The following MRTFB variants were observed in gnomAD, a reference collection of about 807,000 sequenced individuals.
The protein encoded by MRTFB is myocardin related transcription factor B.
In MRTFB, 29 loss-of-function variants were observed where a neutral mutation model predicts 104.2. The observed-to-expected ratio is 0.28, with a 90% CI of 0.21 to 0.38. The LOEUF (loss-of-function observed/expected upper bound fraction) is 0.38. MRTFB is among the 10% of genes least tolerant of loss of function. MRTFB has a pLI of 1.00. For missense variants in MRTFB, 1,270 were observed against 1,341.6 expected (o/e 0.95, Z 0.83); for synonymous variants, 535 against 519.5 (o/e 1.03, Z -0.41).
Position 14,223,318 on chromosome 16 carries a change from C to CA in MRTFB, c.693+4326dup, listed in dbSNP as rs372266452. On this transcript the variant is annotated intron_variant, in intron 8 of 16. Coordinates refer to ENST00000571589, the MANE Select transcript of MRTFB (RefSeq NM_001308142.2). ...GAGCGAGACCCTACACACACCCCCACAAAAAAGAAAAAGAAAAATATGACC... is the reference window on the plus strand; with the variant it reads ...GAGCGAGACCCTACACACACCCCCACAAAAAAAGAAAAAGAAAAATATGACC... 4.0e-5 allele frequency among the ~76,000 whole-genome samples: 6 copies of CA among 151,766 alleles called. 1 individual carries two copies. Among genetic ancestry groups the CA allele is most frequent in the East Asian group, 1.9e-4 (1 of 5,160 alleles).
the MRTFB span, among the ~76,000 whole-genome samples, chr16:14,054,459 C>T: frequency 6.6e-6 from 1 of 152,096 alleles, no homozygotes; most frequent in Admixed American, 6.5e-5. Context: ...TCAAGTGATC[C>T]ACCGTCCTCA....
chr16:14,074,143 T>C (rs906744161), intron 1 of MRTFB, among the ~76,000 whole-genome samples: 2 of 152,170 alleles, frequency 1.3e-5, no homozygotes, highest in African/African-American at 4.8e-5. Flanking sequence ...TGAAAGGTGC[T>C]ATGGAAACAG....
intron 16 of MRTFB, among the ~76,000 whole-genome samples, chr16:14,259,995 A>G (rs2151478528): frequency 6.6e-6 from 1 of 152,348 alleles, no homozygotes; most frequent in East Asian, 1.9e-4. Context: ...TTCCTAGTGT[A>G]TCTGCATATA....
chr16:14,016,464 A>G, the MRTFB span, among the ~76,000 whole-genome samples: 3 of 151,954 alleles, frequency 2.0e-5, no homozygotes, highest in African/African-American at 7.3e-5. Flanking sequence ...TGGTCCTTTC[A>G]TACCTCCCTT....
At chr16:14,037,177 C>T in the MRTFB span, among the ~76,000 whole-genome samples, 1 of 152,146 alleles carries the variant, frequency 6.6e-6, no homozygotes, top group Non-Finnish European at 1.5e-5. Context: ...GATGCATGAC[C>T]ATGTCACTGT....
chr16:14,216,065 C>T (rs1597272920), intron 6 of MRTFB, among the ~76,000 whole-genome samples: 1 of 152,210 alleles, frequency 6.6e-6, no homozygotes, highest in Non-Finnish European at 1.5e-5. Flanking sequence ...TTCGCAATAG[C>T]GGTCACAACA....
chr16:14,164,243 CTA>C (rs1187018832), intron 3 of MRTFB, among the ~76,000 whole-genome samples: 1 of 152,194 alleles, frequency 6.6e-6, no homozygotes, highest in African/African-American at 2.4e-5. Context: ...AGCCGCAGAA[CTA>C]TCATTCCGTT....
chr16:14,139,787 A>T (rs2037902610), intron 2 of MRTFB, among the ~76,000 whole-genome samples: 1 of 152,222 alleles, frequency 6.6e-6, no homozygotes, highest in African/African-American at 2.4e-5. Context: ...AATGCTACTA[A>T]ATAAGCAGAC....
At chr16:14,178,317 A>AG in intron 3 of MRTFB, among the ~76,000 whole-genome samples, 1 of 152,154 alleles carries the variant, frequency 6.6e-6, no homozygotes, top group East Asian at 1.9e-4. Flanking sequence ...CTATGAGGAT[A>AG]GTAGGGTAGT....
At chr16:14,094,731 A>C (rs957654771) in intron 2 of MRTFB, among the ~76,000 whole-genome samples, 8 of 152,216 alleles carry the variant, frequency 5.3e-5, no homozygotes, top group Non-Finnish European at 1.0e-4. Flanking sequence ...AAACTGCAGT[A>C]TATAATACAG....
chr16:14,041,879 T>C, the MRTFB span, among the ~76,000 whole-genome samples: 4 of 152,048 alleles, frequency 2.6e-5, no homozygotes, highest in African/African-American at 4.8e-5. Context: ...AGAGCCAAGA[T>C]TGCGCCATTG....
At chr16:14,188,917 T>C (rs1285338834) in intron 3 of MRTFB, among the ~76,000 whole-genome samples, 1 of 152,236 alleles carries the variant, frequency 6.6e-6, no homozygotes, top group Non-Finnish European at 1.5e-5. Flanking sequence ...GTTAAATTCG[T>C]TGATATAAAG....
intron 14 of MRTFB, 68 bp from the exon 15 acceptor site, chr16:14,252,297 G>C (rs1332693660): frequency 6.4e-7 from 1 of 1,565,418 alleles, no homozygotes; most frequent in Admixed American, 1.8e-5. Context: ...CAGCAGAGCC[G>C]AGTCTAGCCA....
the MRTFB span, among the ~76,000 whole-genome samples, chr16:14,035,013 C>T: frequency 3.9e-5 from 6 of 152,190 alleles, no homozygotes; most frequent in African/African-American, 1.4e-4. Flanking sequence ...TCTTCCTCCA[C>T]CCCATGGAGA....
chr16:14,265,507 A>G lies in MRTFB; in HGVS notation c.*4063A>G, dbSNP rs1056358881. Reference sequence around the variant, plus strand: ...CAAAACTGGAAAACAACTAAGATGTAGTAATTTTTTTTTCCTGGTTCAAAC... The same window carrying G: ...CAAAACTGGAAAACAACTAAGATGTGGTAATTTTTTTTTCCTGGTTCAAAC... On this transcript the variant is annotated 3_prime_UTR_variant, in exon 17 of 17. Coordinates refer to ENST00000571589, the MANE Select transcript of MRTFB (RefSeq NM_001308142.2). The G allele has an allele frequency of 6.6e-6, 1 of 152,236 alleles. No homozygotes were observed. The highest frequency in any genetic ancestry group is 6.5e-5 in the Admixed American group (1 of 15,280). The allele number at this position is 152,236 out of a possible 1,614,324, so 9.4% of individuals were successfully genotyped here. A position where few individuals can be genotyped will look rare whatever the true frequency, so the allele number is the denominator to read the frequency against.
At position 14,245,074 on chromosome 16, in the gene MRTFB, TC is replaced by T. The variant is rs541225555; in HGVS notation, c.1080-451del. Among the ~76,000 whole-genome samples, 44 of 152,310 alleles carry T rather than the reference TC, an allele frequency of 2.9e-4. 1 individual carries two copies. The East Asian group carries it at 6.4e-3, about 22-fold the overall frequency. Reference sequence around the variant, plus strand: ...CCAACGTAGCATGGCACCATTGAAGTCCCGCCCTCTCTCCACTACATCACAG... The same window carrying T: ...CCAACGTAGCATGGCACCATTGAAGTCCGCCCTCTCTCCACTACATCACAG... On this transcript the variant is annotated intron_variant, in intron 10 of 16. Coordinates refer to ENST00000571589, the MANE Select transcript of MRTFB (RefSeq NM_001308142.2).
chr16:14,071,082 C>A (rs570524507), upstream of MRTFB, among the ~76,000 whole-genome samples: 1 of 152,154 alleles, frequency 6.6e-6, no homozygotes, highest in Non-Finnish European at 1.5e-5. Flanking sequence ...GCACGCGCAC[C>A]CGGCCGGCCA....
At chr16:14,157,801 A>C (rs2142864052) in intron 3 of MRTFB, among the ~76,000 whole-genome samples, 1 of 152,378 alleles carries the variant, frequency 6.6e-6, no homozygotes, top group South Asian at 2.1e-4. Context: ...TAAATGAGAC[A>C]TCACTGAATA....
At chr16:14,043,583 T>C in the MRTFB span, among the ~76,000 whole-genome samples, 1 of 152,106 alleles carries the variant, frequency 6.6e-6, no homozygotes, top group African/African-American at 2.4e-5. Context: ...CTCAAGAATC[T>C]AGGCCAGGCA....
Sources: gnomAD v4.1 joint callset for allele counts (sites outside exome capture counted in the v4.1 genomes callset) on GRCh38, gnomAD v4.1.1 for gene constraint, MANE v1.5 for transcripts, NCBI Gene and HGNC (gene_info 2026-07-23, HGNC 2026-07-21) for gene names.